RGS22: variants seen among roughly 807,000 people sequenced by gnomAD.
RGS22 encodes regulator of G protein signaling 22, also known as regulator of G-protein signaling 22.
Under a neutral mutation model 172.9 loss-of-function variants are expected in RGS22, and 148 were observed. The ratio of observed to expected loss-of-function variants is 0.86; its 90% confidence interval spans 0.75 to 0.98. The LOEUF is 0.98. RGS22 is among the 50% of genes least tolerant of loss of function. RGS22 has a pLI of 0.00. For synonymous variants in RGS22, 458 were observed against 480.2 expected, an observed-to-expected ratio of 0.95 and a Z score of 0.60; for missense variants, 1,347 against 1,440.8, an observed-to-expected ratio of 0.93 and a Z score of 1.05.
Position 100,105,500 on chromosome 8 carries a change from A to G in RGS22, c.26-98T>C, listed in dbSNP as rs1813861962. ...CAGCACCTAGCCCTACGTTATACAC[A>G]GGCAAACGTAGCACATTTCTGGCCC... On this transcript the variant is annotated intron_variant, in intron 1 of 27. Transcript: ENST00000360863. 1.1e-5 allele frequency: 11 copies of G among 969,382 alleles called. 1 individual carries two copies. The highest frequency in any genetic ancestry group is 1.8e-5 in the Non-Finnish European group (11 of 608,844). 60.0% of individuals were successfully genotyped at this position (969,382 alleles called of 1,614,324 possible). A position where few individuals can be genotyped will look rare whatever the true frequency, so the allele number is the denominator to read the frequency against.
At chr8:100,097,052 A>T (rs1272396560) in intron 2 of RGS22, among the ~76,000 whole-genome samples, 2 of 152,200 alleles carry the variant, frequency 1.3e-5, no homozygotes, top group Non-Finnish European at 2.9e-5. Flanking sequence ...CAAATTCTGT[A>T]TTTAGAAATA....
chr8:99,975,602 AC>A (rs1811842015), intron 23 of RGS22, among the ~76,000 whole-genome samples: 1 of 148,888 alleles, frequency 6.7e-6, no homozygotes, highest in Non-Finnish European at 1.5e-5. Flanking sequence ...TAATTAGATG[AC>A]CAAAAAAAAA....
intron 2 of RGS22, among the ~76,000 whole-genome samples, chr8:100,095,791 C>A (rs181184083): frequency 1.3e-3 from 193 of 152,286 alleles, no homozygotes; most frequent in Non-Finnish European, 2.4e-3. Flanking sequence ...TTACAGAAAA[C>A]TATGAAAACC....
At chr8:100,035,250 C>A (rs1345395581) in intron 14 of RGS22, among the ~76,000 whole-genome samples, 1 of 151,954 alleles carries the variant, frequency 6.6e-6, no homozygotes, top group African/African-American at 2.4e-5. Flanking sequence ...AGAGCTCAAA[C>A]AAATTTACAA....
chr8:100,105,829 G>C lies in RGS22; in HGVS notation c.25+68C>G, dbSNP rs540941359. On this transcript the variant is annotated intron_variant, in intron 1 of 27. Transcript: ENST00000360863. ...CTAGGAGGGCAGGAGGTAAAGTCCA[G>C]AGGCTGGCGCGTGGTGCGGCCCCGA... 3 of 1,385,166 alleles carry C rather than the reference G, an allele frequency of 2.2e-6. No homozygotes were observed. In the South Asian group the frequency reaches 4.0e-5, roughly 18 times the overall value. 85.8% of individuals were successfully genotyped at this position (1,385,166 alleles called of 1,614,324 possible). A position where few individuals can be genotyped will look rare whatever the true frequency, so the allele number is the denominator to read the frequency against.
chr8:100,075,692 A>G lies in RGS22; in HGVS notation c.340-3462T>C, dbSNP rs567290605. Reference sequence around the variant, plus strand: ...GAATGATGCTGCTATGAACATTTGTATATAAGTTTTTGTGTGAACATATGT... The same window carrying G: ...GAATGATGCTGCTATGAACATTTGTGTATAAGTTTTTGTGTGAACATATGT... On this transcript the variant is annotated intron_variant, in intron 4 of 27. Coordinates refer to ENST00000360863, the MANE Select transcript of RGS22 (RefSeq NM_015668.5). Among the ~76,000 whole-genome samples the G allele has an allele frequency of 4.6e-5, 7 of 152,346 alleles. No homozygotes were observed. In the East Asian group the frequency reaches 1.3e-3, roughly 29 times the overall value.
chr8:100,011,843 T>A (rs1156299037), intron 14 of RGS22, among the ~76,000 whole-genome samples: 1 of 152,106 alleles, frequency 6.6e-6, no homozygotes, highest in East Asian at 1.9e-4. Flanking sequence ...AAATGAAATA[T>A]TAAATGGAGG....
chr8:100,080,373 G>C lies in RGS22; in HGVS notation c.118-18C>G. Reference sequence around the variant, plus strand: ...GAAAAGGTCTGCAATATAAATTTGTGGAAATTAAAACATTTTTTAAACCTG... The same window carrying C: ...GAAAAGGTCTGCAATATAAATTTGTCGAAATTAAAACATTTTTTAAACCTG... On this transcript the variant is annotated intron_variant, in intron 3 of 27. Transcript: ENST00000360863. 1.3e-6 allele frequency: 2 copies of C among 1,565,382 alleles called. No individual in the cohort carries two copies. The highest frequency in any genetic ancestry group is 2.3e-5 in the South Asian group (2 of 86,022).
rs755310737 is a variant in RGS22, at chr8:100,041,823, G to GTCCC, written c.1916_1917insGGGA (p.Tyr639Ter). The GTCCC allele has an allele frequency of 6.2e-7, 1 of 1,607,752 alleles. No individual in the cohort carries two copies. The highest frequency in any genetic ancestry group is 1.7e-5 in the Admixed American group (1 of 59,990). On this transcript the variant is annotated stop_gained and frameshift_variant, in exon 12 of 28. Coordinates refer to ENST00000360863, the MANE Select transcript of RGS22 (RefSeq NM_015668.5). LOFTEE classifies it high-confidence loss of function. ...TCACCCTAGGTTCTTCTGTATAAGCGTATCTTCTATCCAGCTGGGGCTTGA... is the reference window on the plus strand; with the variant it reads ...TCACCCTAGGTTCTTCTGTATAAGCGTCCCTATCTTCTATCCAGCTGGGGCTTGA...
At chr8:100,005,934 A>G in intron 16 of RGS22, 83 bp downstream of exon 16, 3 of 929,182 alleles carry the variant, frequency 3.2e-6, no homozygotes, top group South Asian at 3.0e-5. Flanking sequence ...TCGTCACTCT[A>G]CAATCTCCCC....
intron 4 of RGS22, among the ~76,000 whole-genome samples, chr8:100,077,196 CA>C (rs914995253): frequency 3.3e-5 from 5 of 151,614 alleles, no homozygotes; most frequent in African/African-American, 1.2e-4. Context: ...TTGATTTTTT[CA>C]AAAAACAAGG....
intron 22 of RGS22, 94 bp downstream of exon 22, chr8:99,981,843 T>G (rs1269360717): frequency 1.3e-4 from 149 of 1,181,132 alleles, no homozygotes; most frequent in Non-Finnish European, 1.5e-4. Context: ...ATTACAGGCG[T>G]GAGCCACCAC....
intron 23 of RGS22, among the ~76,000 whole-genome samples, chr8:99,972,699 G>A (rs891178022): frequency 6.6e-6 from 1 of 152,146 alleles, no homozygotes; most frequent in Non-Finnish European, 1.5e-5. Context: ...AAACCACAAT[G>A]AGATACCATC....
At chr8:100,090,146 C>T (rs1173272120) in intron 3 of RGS22, among the ~76,000 whole-genome samples, 2 of 152,106 alleles carry the variant, frequency 1.3e-5, no homozygotes, top group African/African-American at 4.8e-5. Context: ...TAAACCTGTG[C>T]CAGGCGCTTA....
At chr8:100,031,866 C>T (rs777549305) in intron 14 of RGS22, among the ~76,000 whole-genome samples, 7 of 152,134 alleles carry the variant, frequency 4.6e-5, no homozygotes, top group Non-Finnish European at 1.0e-4. Flanking sequence ...CAATATTCAA[C>T]GTTCTTAAGG....
At chr8:100,056,298 G>T (rs892821883) in intron 9 of RGS22, among the ~76,000 whole-genome samples, 1 of 152,114 alleles carries the variant, frequency 6.6e-6, no homozygotes, top group Admixed American at 6.6e-5. Flanking sequence ...GAGCATAAAA[G>T]TTTGGAAAAT....
At position 100,062,727 on chromosome 8, in the gene RGS22, A is replaced by G. The variant is rs1216808700; in HGVS notation, c.1378T>C (p.Tyr460His). Residue 460 changes from tyrosine to histidine, a missense_variant, in exon 9 of 28, where the codon TAT (tyrosine) becomes CAT (histidine). Tyr to His is a moderately conservative substitution (Grantham distance 83). Coordinates refer to ENST00000360863, the MANE Select transcript of RGS22 (RefSeq NM_015668.5). ...TAGTAATCTCCATTGCTCACTAGAT[A>G]GCATTTTTTCATCTTCTCAAGATGT... ...QRHLEKMKKCYLVSNGDYYLS... is the reference protein window; with the variant it reads ...QRHLEKMKKCHLVSNGDYYLS... 1 of 1,601,432 alleles carries G rather than the reference A, an allele frequency of 6.2e-7. No individual in the cohort carries two copies. Among genetic ancestry groups the G allele is most frequent in the Non-Finnish European group, 8.5e-7 (1 of 1,175,568 alleles).
chr8:100,048,861 T>C (rs974167213), intron 10 of RGS22, among the ~76,000 whole-genome samples: 2 of 152,144 alleles, frequency 1.3e-5, no homozygotes, highest in African/African-American at 4.8e-5. Flanking sequence ...TGGTCTTTAA[T>C]GGGCAGAGTC....
chr8:100,034,749 C>G (rs897545805), intron 14 of RGS22, among the ~76,000 whole-genome samples: 1 of 152,006 alleles, frequency 6.6e-6, no homozygotes, highest in Admixed American at 6.6e-5. Context: ...GTACTGGTAC[C>G]AAAACAGATA....
Sources: allele counts gnomAD v4.1 joint callset (sites outside exome capture counted in the v4.1 genomes callset), GRCh38; gene constraint gnomAD v4.1.1; transcripts MANE v1.5; gene names NCBI Gene and HGNC (gene_info 2026-07-23, HGNC 2026-07-21).